Variants in LARS1 observed in about 807,000 individuals in gnomAD.
LARS1 encodes leucyl-tRNA synthetase 1.
Under a neutral mutation model 162.8 loss-of-function variants are expected in LARS1, and 100 were observed. The ratio of observed to expected loss-of-function variants is 0.61; its 90% CI spans 0.52 to 0.73. LARS1 has a LOEUF of 0.73. LARS1 is among the 30% of genes least tolerant of loss of function. The pLI, the probability that LARS1 is intolerant of heterozygous loss-of-function variation, is 0.00. For missense variants in LARS1, 1,258 were observed against 1,408.9 expected (o/e 0.89, Z 1.71); for synonymous variants, 457 against 462.8 (o/e 0.99, Z 0.16).
chr5:146,179,600 T>C, intron 1 of LARS1: 1 of 366,642 alleles, frequency 2.7e-6, no homozygotes, highest in Non-Finnish European at 5.6e-6. Context: ...TATTTATGTG[T>C]GTGTGTCTGT....
intron 15 of LARS1, among the ~76,000 whole-genome samples, chr5:146,149,370 A>G (rs1339489362): frequency 1.3e-5 from 2 of 152,190 alleles, no homozygotes; most frequent in Admixed American, 6.5e-5. Context: ...TAAAATGGCC[A>G]CTGCCAGAAA....
chr5:146,170,311 A>G (rs1754203752), intron 4 of LARS1, among the ~76,000 whole-genome samples: 1 of 152,112 alleles, frequency 6.6e-6, no homozygotes, highest in African/African-American at 2.4e-5. Context: ...CACTAAAAAT[A>G]CAAAAAACAT....
At chr5:146,170,792 T>G (rs1400036694) in intron 4 of LARS1, among the ~76,000 whole-genome samples, 4 of 140,582 alleles carry the variant, frequency 2.8e-5, no homozygotes, top group Non-Finnish European at 4.7e-5. Context: ...GTCAGGAGTT[T>G]GAAACCAGCC....
Position 146,131,011 on chromosome 5 carries a change from C to A in LARS1, c.2487+8G>T. 1 of 1,504,612 alleles carries A rather than the reference C, an allele frequency of 6.6e-7. No homozygotes were observed. Among genetic ancestry groups the A allele is most frequent in the Non-Finnish European group, 9.1e-7 (1 of 1,095,900 alleles). 93.2% of individuals were successfully genotyped at this position (1,504,612 alleles called of 1,614,324 possible). The stretch of plus-strand genomic sequence containing the variant: ...GTTTTATAGCTACCAAAAGAATCAA[C>A]AGCCTACCTGAAACTCAAAAAACCC... On this transcript the variant is annotated splice_region_variant and intron_variant, in intron 24 of 31. Coordinates refer to ENST00000394434, the MANE Select transcript of LARS1 (RefSeq NM_020117.11).
Position 146,122,564 on chromosome 5 carries a change from AAACTTGACTTCT to A in LARS1, c.3108_3119del (p.Glu1037_Phe1040del). The stretch of plus-strand genomic sequence containing the variant: ...TGATTTTATCTTCTGCTTCGGAGGC[AAACTTGACTTCT>A]ATGTGTTCTAGCTAAACAGACGGGA... On this transcript the variant is annotated inframe_deletion, in exon 30 of 32. Coordinates refer to ENST00000394434, the MANE Select transcript of LARS1 (RefSeq NM_020117.11). 6.2e-7 allele frequency: 1 copy of A among 1,609,388 alleles called. No individual in the cohort carries two copies. Among genetic ancestry groups the A allele is most frequent in the South Asian group, 1.1e-5 (1 of 90,738 alleles).
chr5:146,114,586 A>T (rs1764116655), intron 31 of LARS1, among the ~76,000 whole-genome samples: 1 of 151,954 alleles, frequency 6.6e-6, no homozygotes, highest in Non-Finnish European at 1.5e-5. Context: ...ACACAAAAAA[A>T]TTAGCTGGGC....
rs140569129 is a variant in LARS1 at position 146,162,002 on chromosome 5, T to C, written c.595-1516A>G. ...TTCAAGCTCCACTTGTAATTCTAGT[T>C]CTCTTGCAATTTCTACCACATCTGC... On this transcript the variant is annotated intron_variant, in intron 6 of 31. Coordinates refer to ENST00000394434, the MANE Select transcript of LARS1 (RefSeq NM_020117.11). Among the ~76,000 whole-genome samples, 1,192 of 152,318 alleles carry C rather than the reference T, an allele frequency of 7.8e-3. 14 individuals carry two copies. Among genetic ancestry groups the C allele is most frequent in the African/African-American group, 0.027 (1,133 of 41,564 alleles).
At chr5:146,162,440 A>G (rs1345377869) in intron 6 of LARS1, among the ~76,000 whole-genome samples, 1 of 152,066 alleles carries the variant, frequency 6.6e-6, no homozygotes, top group Non-Finnish European at 1.5e-5. Flanking sequence ...TTTCCTGAGC[A>G]GTAGGTCTCA....
chr5:146,124,604 C>T (rs948175468), intron 28 of LARS1, among the ~76,000 whole-genome samples: 4 of 151,856 alleles, frequency 2.6e-5, no homozygotes, highest in African/African-American at 9.7e-5. Context: ...TACATGAGTA[C>T]TCAAACATGG....
chr5:146,135,978 A>G (rs949023938), intron 21 of LARS1, among the ~76,000 whole-genome samples: 1 of 152,304 alleles, frequency 6.6e-6, no homozygotes, highest in Admixed American at 6.5e-5. Context: ...ACTCTAGAAC[A>G]CCACCTGGTT....
At chr5:146,131,168 A>G in intron 23 of LARS1, 59 bp from the exon 24 acceptor site, 1 of 721,506 alleles carries the variant, frequency 1.4e-6, no homozygotes, top group Non-Finnish European at 2.2e-6. Flanking sequence ...CATAGCTATA[A>G]AAAACTGCTG....
Position 146,164,485 on chromosome 5 carries a change from A to T in LARS1, c.433-14T>A. 1 of 1,611,674 alleles carries T rather than the reference A, an allele frequency of 6.2e-7. No homozygotes were observed. Among genetic ancestry groups the T allele is most frequent in the Non-Finnish European group, 8.5e-7 (1 of 1,179,020 alleles). The stretch of plus-strand genomic sequence containing the variant: ...AGCAGCTTTACTCTGAAAATAATGG[A>T]GAAAAATAAACTCGATCAAAGAATA... On this transcript the variant is annotated splice_polypyrimidine_tract_variant and intron_variant, in intron 5 of 31. Transcript: ENST00000394434.
rs145909725 is a variant in LARS1, at chr5:146,164,301, T to G, written c.594+9A>C. On this transcript the variant is annotated intron_variant, in intron 6 of 31. Coordinates refer to ENST00000394434, the MANE Select transcript of LARS1 (RefSeq NM_020117.11). Reference sequence around the variant, plus strand: ...AAATGCTTTCCTCATATTTCCTTTATAGACATACCTTCAAACCCATTCTTT... The same window carrying G: ...AAATGCTTTCCTCATATTTCCTTTAGAGACATACCTTCAAACCCATTCTTT... The G allele has an allele frequency of 4.2e-4, 675 of 1,611,884 alleles. 4 individuals are homozygous for G. The African/African-American group carries it at 7.7e-3, about 18-fold the overall frequency.
At chr5:146,137,004 C>T (rs1293846819) in intron 21 of LARS1, among the ~76,000 whole-genome samples, 12 of 152,088 alleles carry the variant, frequency 7.9e-5, no homozygotes, top group Non-Finnish European at 1.2e-4. Flanking sequence ...CGGGTTCAAG[C>T]GATTCTCCTG....
chr5:146,128,904 A>G, intron 26 of LARS1, 74 bp downstream of exon 26: 1 of 1,463,864 alleles, frequency 6.8e-7, no homozygotes, highest in South Asian at 1.2e-5. Context: ...TTTAACTTTC[A>G]TTATTGTTAA....
At chr5:146,163,748 C>A (rs1376806960) in intron 6 of LARS1, among the ~76,000 whole-genome samples, 3 of 152,174 alleles carry the variant, frequency 2.0e-5, no homozygotes, top group African/African-American at 4.8e-5. Context: ...CTGTTTGGCA[C>A]AACAGGCCTA....
rs57378167 is a variant in LARS1 at position 146,153,560 on chromosome 5, G to GA, written c.1230+173dup. 0.97 allele frequency among the ~76,000 whole-genome samples: 147,347 copies of GA among 152,292 alleles called. 71,469 individuals are homozygous for GA. The highest frequency in any genetic ancestry group is 1 in the East Asian group (5,186 of 5,186). On this transcript the variant is annotated intron_variant, in intron 12 of 31. Transcript: ENST00000394434. ...TCAGAAAGCTTTTTCAAAATTCTGT[G>GA]AACATATTTAAAATTCAAACCACAG...
intron 25 of LARS1, among the ~76,000 whole-genome samples, chr5:146,129,768 A>G (rs1394673680): frequency 6.6e-6 from 1 of 152,182 alleles, no homozygotes; most frequent in Non-Finnish European, 1.5e-5. Flanking sequence ...ACAATTGTTT[A>G]TATCTTTCTC....
In LARS1 at chr5:146,143,570, G is replaced by A. The variant is rs745837740; in HGVS notation, c.1739-20C>T. ...GAGTGCCTGAAAAATAAAAAGTAAC[G>A]CATGAGGAACCTGAGAGACATTTCA... On this transcript the variant is annotated intron_variant, in intron 18 of 31. Transcript: ENST00000394434. 7.5e-6 allele frequency: 12 copies of A among 1,609,660 alleles called. No individual in the cohort carries two copies. In the South Asian group the frequency reaches 7.7e-5, roughly 10 times the overall value.
Sources: gnomAD v4.1 joint callset for allele counts (sites outside exome capture counted in the v4.1 genomes callset) on GRCh38, gnomAD v4.1.1 for gene constraint, MANE v1.5 for transcripts, NCBI Gene and HGNC (gene_info 2026-07-23, HGNC 2026-07-21) for gene names.